LARGE1: variants seen among roughly 807,000 people sequenced by gnomAD.
The protein encoded by LARGE1 is LARGE xylosyl- and glucuronyltransferase 1.
LARGE1 carries 43 observed loss-of-function variants against 87.6 expected under a neutral mutation model. The observed-to-expected ratio is 0.49, with a 90% CI of 0.38 to 0.63. LARGE1 has a LOEUF of 0.63. Ranked by LOEUF, LARGE1 falls within the 30% of genes least tolerant of loss-of-function variation. The pLI is 0.00. For synonymous variants in LARGE1, 434 were observed against 394.6 expected, an observed-to-expected ratio of 1.10 and a Z score of -1.18; for missense variants, 802 against 1,000.2, an observed-to-expected ratio of 0.80 and a Z score of 2.67.
chr22:33,813,281 C>A (rs964339672), intron 1 of LARGE1, among the ~76,000 whole-genome samples: 1 of 151,538 alleles, frequency 6.6e-6, no homozygotes, highest in African/African-American at 2.4e-5. Context: ...ATTAGTGCCA[C>A]TCTAAGAATC....
intron 5 of LARGE1, among the ~76,000 whole-genome samples, chr22:33,596,337 G>A (rs1359377858): frequency 6.6e-6 from 1 of 152,200 alleles, no homozygotes; most frequent in Admixed American, 6.5e-5. Context: ...GCTTTCAAGT[G>A]CTTTATGCTT....
At chr22:33,325,515 C>G (rs1367411368) in intron 10 of LARGE1, among the ~76,000 whole-genome samples, 1 of 152,228 alleles carries the variant, frequency 6.6e-6, no homozygotes, top group Non-Finnish European at 1.5e-5. Context: ...GGTCCTTCAA[C>G]CTGCAGAAAA....
intron 2 of LARGE1, among the ~76,000 whole-genome samples, chr22:33,672,545 G>A (rs1277570675): frequency 6.6e-6 from 1 of 152,168 alleles, no homozygotes; most frequent in Non-Finnish European, 1.5e-5. Flanking sequence ...GTGTTCCTAG[G>A]AGAGGACTTG....
At chr22:33,207,653 C>A (rs889854542) in intron 11 of LARGE1, among the ~76,000 whole-genome samples, 1 of 152,012 alleles carries the variant, frequency 6.6e-6, no homozygotes, top group Non-Finnish European at 1.5e-5. Flanking sequence ...CGTCGGCGAC[C>A]CCATTATAAG....
At chr22:33,345,244 G>C (rs1939621325) in intron 9 of LARGE1, among the ~76,000 whole-genome samples, 1 of 152,176 alleles carries the variant, frequency 6.6e-6, no homozygotes, top group Non-Finnish European at 1.5e-5. Flanking sequence ...GAAAAGTTTA[G>C]CACGTTGCCT....
chr22:33,175,973 A>G (rs758937811), intron 11 of LARGE1, among the ~76,000 whole-genome samples: 1 of 152,212 alleles, frequency 6.6e-6, no homozygotes, highest in Admixed American at 6.5e-5. Context: ...CCAATGGAAC[A>G]GAACAGAGGC....
chr22:33,262,147 C>G (rs1602165148), intron 11 of LARGE1, among the ~76,000 whole-genome samples: 2 of 152,282 alleles, frequency 1.3e-5, no homozygotes, highest in East Asian at 3.9e-4. Context: ...TATAGGTGAG[C>G]AAACAAGGGC....
intron 11 of LARGE1, among the ~76,000 whole-genome samples, chr22:33,244,717 G>A (rs369125609): frequency 5.9e-5 from 9 of 152,260 alleles, no homozygotes; most frequent in Non-Finnish European, 2.9e-5. Context: ...AACTGATGGC[G>A]TAAATCATCG....
intron 6 of LARGE1, among the ~76,000 whole-genome samples, chr22:33,449,507 T>G (rs1486589895): frequency 6.6e-6 from 1 of 152,226 alleles, no homozygotes; most frequent in Non-Finnish European, 1.5e-5. Context: ...AAATTTGCAA[T>G]CAAGCACTCT....
At chr22:33,404,472 G>A (rs1219204858) in intron 7 of LARGE1, among the ~76,000 whole-genome samples, 1 of 152,172 alleles carries the variant, frequency 6.6e-6, no homozygotes, top group Non-Finnish European at 1.5e-5. Flanking sequence ...CTACCTAATA[G>A]AAAGTGGCTC....
chr22:33,657,606 G>A (rs746371467), intron 2 of LARGE1, among the ~76,000 whole-genome samples: 8 of 151,988 alleles, frequency 5.3e-5, no homozygotes, highest in Non-Finnish European at 1.0e-4. Flanking sequence ...GCCAGATCAG[G>A]CATACTTTTT....
chr22:33,620,304 C>A (rs191580638), intron 4 of LARGE1, among the ~76,000 whole-genome samples: 4 of 152,296 alleles, frequency 2.6e-5, no homozygotes, highest in South Asian at 4.1e-4. Flanking sequence ...ACAAGCTGAT[C>A]CACTTTCCTG....
chr22:33,116,869 A>G, the LARGE1 span, among the ~76,000 whole-genome samples: 1 of 152,240 alleles, frequency 6.6e-6, no homozygotes, highest in Non-Finnish European at 1.5e-5. Context: ...TACAAGTAGC[A>G]CGGGATTTAA....
At chr22:33,631,145 G>A (rs12171212) in intron 3 of LARGE1, among the ~76,000 whole-genome samples, 13,635 of 131,246 alleles carry the variant, frequency 0.1, 1,958 homozygotes, top group African/African-American at 0.31. Flanking sequence ...GAGCCACTGC[G>A]CCCAGCCAAC....
At chr22:33,366,546 A>T (rs1353620972) in intron 9 of LARGE1, among the ~76,000 whole-genome samples, 1 of 152,184 alleles carries the variant, frequency 6.6e-6, no homozygotes, top group African/African-American at 2.4e-5. Flanking sequence ...CTTGGCAATG[A>T]TATATTATCT....
Position 33,564,100 on chromosome 22 carries a change from A to G in LARGE1, c.787+748T>C, listed in dbSNP as rs568514406. Among the ~76,000 whole-genome samples, 3 of 152,288 alleles carry G rather than the reference A, an allele frequency of 2.0e-5. No individual in the cohort carries two copies. In the East Asian group the frequency reaches 5.8e-4, roughly 29 times the overall value. On this transcript the variant is annotated intron_variant, in intron 6 of 14. Coordinates refer to ENST00000397394, the MANE Select transcript of LARGE1 (RefSeq NM_133642.5). ...TAGCGTGCAATTAAAAAAATATATAAAACTAAAAATTTCACTGTCGAATTT... is the reference window on the plus strand; with the variant it reads ...TAGCGTGCAATTAAAAAAATATATAGAACTAAAAATTTCACTGTCGAATTT...
At chr22:33,754,991 C>T (rs1049098745) in intron 2 of LARGE1, among the ~76,000 whole-genome samples, 1 of 152,186 alleles carries the variant, frequency 6.6e-6, no homozygotes, top group Admixed American at 6.5e-5. Context: ...TGCACCACCC[C>T]CATCCCGCCT....
chr22:33,491,784 G>T (rs548578344), intron 6 of LARGE1, among the ~76,000 whole-genome samples: 12 of 152,176 alleles, frequency 7.9e-5, no homozygotes, highest in Non-Finnish European at 1.8e-4. Context: ...GGCTAGTATT[G>T]CATAGTTGAA....
Position 33,381,957 on chromosome 22 carries a change from G to C in LARGE1, c.1093C>G (p.Arg365Gly). Residue 365 changes from arginine (R) to glycine (G), a missense_variant, in exon 9 of 15, where the codon CGC becomes GGC. Arg to Gly is a moderately radical substitution (Grantham distance 125). Coordinates refer to ENST00000397394, the MANE Select transcript of LARGE1 (RefSeq NM_133642.5). Reference protein sequence around the residue: ...FWNVQLSDHTRSEQCYRDVSD... With the variant: ...FWNVQLSDHTGSEQCYRDVSD... ...ACGTCTCTGTAGCACTGCTCGGAGC[G>C]GGTGTGGTCTGACAGCTGCACATTC... is the stretch of plus-strand genomic sequence containing the variant. The C allele has an allele frequency of 6.2e-7, 1 of 1,614,124 alleles. No homozygotes were observed. Among genetic ancestry groups the C allele is most frequent in the Non-Finnish European group, 8.5e-7 (1 of 1,180,022 alleles).
Sources: gnomAD v4.1 joint callset for allele counts (sites outside exome capture counted in the v4.1 genomes callset) on GRCh38, gnomAD v4.1.1 for gene constraint, MANE v1.5 for transcripts, NCBI Gene and HGNC (gene_info 2026-07-23, HGNC 2026-07-21) for gene names.